Variants in GPNMB observed in about 807,000 individuals in gnomAD.
GPNMB encodes the protein glycoprotein nmb, also known as transmembrane glycoprotein NMB.
In GPNMB, 71 loss-of-function variants were observed where a neutral mutation model predicts 57.3. That is an observed-to-expected ratio of 1.24 (90% CI 1.02 to 1.51). The LOEUF is 1.51. Among genes scored for constraint, GPNMB ranks in the 40% most tolerant of loss-of-function variants. GPNMB has a pLI of 0.00. For synonymous variants in GPNMB, 253 were observed against 263.2 expected, an observed-to-expected ratio of 0.96 and a Z score of 0.38; for missense variants, 677 against 691.9, an observed-to-expected ratio of 0.98 and a Z score of 0.24.
intron 4 of GPNMB, among the ~76,000 whole-genome samples, chr7:23,258,667 A>T (rs534972274): frequency 1.5e-3 from 228 of 152,340 alleles, no homozygotes; most frequent in African/African-American, 5.3e-3. Context: ...CTCAGAGTTA[A>T]CTGATATTCT....
intron 1 of GPNMB, among the ~76,000 whole-genome samples, chr7:23,248,910 A>T (rs1782599123): frequency 6.6e-6 from 1 of 151,908 alleles, no homozygotes; most frequent in Admixed American, 6.6e-5. Flanking sequence ...CAGCCTCCTG[A>T]GTAGCTGGGA....
intron 6 of GPNMB, chr7:23,266,282 A>G: frequency 3.9e-6 from 2 of 516,620 alleles, no homozygotes; most frequent in East Asian, 6.6e-5. Flanking sequence ...TTGTGTTCAC[A>G]CAAAATGTGG....
chr7:23,247,318 G>T (rs1303677865), intron 1 of GPNMB: 1 of 229,572 alleles, frequency 4.4e-6, no homozygotes, highest in East Asian at 1.1e-4. Flanking sequence ...ATGAAATGGG[G>T]TCTCCAATCT....
At chr7:23,259,744 C>T (rs1364666400) in intron 4 of GPNMB, among the ~76,000 whole-genome samples, 1 of 152,114 alleles carries the variant, frequency 6.6e-6, no homozygotes, top group East Asian at 1.9e-4. Context: ...TGCCACTAAA[C>T]AGCTTTTTAA....
At chr7:23,252,969 A>C (rs1423871249) in intron 1 of GPNMB, among the ~76,000 whole-genome samples, 1 of 152,172 alleles carries the variant, frequency 6.6e-6, no homozygotes, top group Non-Finnish European at 1.5e-5. Context: ...AAAATGCAAA[A>C]ATCTGAAGAT....
intron 6 of GPNMB, among the ~76,000 whole-genome samples, chr7:23,265,532 C>T (rs1783036302): frequency 6.6e-6 from 1 of 152,054 alleles, no homozygotes; most frequent in African/African-American, 2.4e-5. Flanking sequence ...GTCTTGTATT[C>T]CCTCCTTTCC....
chr7:23,265,102 C>T (rs1387527521), intron 6 of GPNMB, among the ~76,000 whole-genome samples: 5 of 152,208 alleles, frequency 3.3e-5, no homozygotes, highest in Non-Finnish European at 5.9e-5. Flanking sequence ...GTGTCTGGGC[C>T]TTTCTGGCCT....
chr7:23,260,330 TG>T (rs1376072546), intron 5 of GPNMB, 125 bp from the exon 6 acceptor site: 1 of 1,045,952 alleles, frequency 9.6e-7, no homozygotes, highest in African/African-American at 1.6e-5. Context: ...AACTTGCATG[TG>T]AAAAGGAAAA....
chr7:23,254,963 G>A (rs1782742281), intron 3 of GPNMB, among the ~76,000 whole-genome samples: 1 of 152,238 alleles, frequency 6.6e-6, no homozygotes, highest in Non-Finnish European at 1.5e-5. Context: ...CTGAGGTCAG[G>A]AGTTCAAGAC....
intron 6 of GPNMB, among the ~76,000 whole-genome samples, chr7:23,264,907 G>C (rs1424173313): frequency 1.3e-5 from 2 of 152,196 alleles, no homozygotes; most frequent in Non-Finnish European, 2.9e-5. Context: ...TTCTGGAGAA[G>C]AGCTACTGAA....
At chr7:23,260,218 G>A (rs1197855213) in intron 5 of GPNMB, 80 bp downstream of exon 5, 2 of 1,456,052 alleles carry the variant, frequency 1.4e-6, no homozygotes, top group Admixed American at 1.7e-5. Flanking sequence ...GTAAGGCCAA[G>A]TGTTCGGGGT....
intron 6 of GPNMB, among the ~76,000 whole-genome samples, chr7:23,261,104 T>C (rs138960538): frequency 6.6e-6 from 1 of 152,304 alleles, no homozygotes; most frequent in Non-Finnish European, 1.5e-5. Context: ...TCCCATTTTT[T>C]ATGGCTATGA....
chr7:23,248,493 C>T (rs1380303461), intron 1 of GPNMB, among the ~76,000 whole-genome samples: 1 of 152,008 alleles, frequency 6.6e-6, no homozygotes, highest in African/African-American at 2.4e-5. Context: ...ATATTCTGCC[C>T]AGAAAAAAAT....
At chr7:23,264,391 G>T (rs1257751126) in intron 6 of GPNMB, among the ~76,000 whole-genome samples, 3 of 148,820 alleles carry the variant, frequency 2.0e-5, no homozygotes, top group African/African-American at 2.5e-5. Flanking sequence ...TTTTTTTTTT[G>T]AGATAGAGTC....
chr7:23,274,200 C>T lies in GPNMB; in HGVS notation c.1659C>T (p.Asn553=), dbSNP rs141478841. The T allele has an allele frequency of 6.2e-7, 1 of 1,613,168 alleles. No individual in the cohort carries two copies. Among genetic ancestry groups the T allele is most frequent in the African/African-American group, 1.3e-5 (1 of 74,978 alleles). ...AGGAAAAGGATCCGCTACTCAAAAA[C>T]CAAGAATTTAAAGGAGTTTCTTAAA... ...GNQEKDPLLK[N]QEFKGVS The change falls in exon 11 of 11, where the codon AAC becomes AAT. Residue 553 remains asparagine (N), a synonymous_variant. Coordinates refer to ENST00000258733, the MANE Select transcript of GPNMB (RefSeq NM_002510.3).
intron 6 of GPNMB, among the ~76,000 whole-genome samples, chr7:23,264,030 G>C (rs532487060): frequency 6.6e-6 from 1 of 150,532 alleles, no homozygotes; most frequent in East Asian, 1.9e-4. Context: ...CTATTTTTAA[G>C]TCACGGAATT....
rs764438464 is a variant in GPNMB, at chr7:23,266,626, AGAT to A, written c.1117+17_1117+19del. The A allele has an allele frequency of 3.7e-6, 6 of 1,612,754 alleles. No individual in the cohort carries two copies. Among genetic ancestry groups the A allele is most frequent in the Non-Finnish European group, 5.1e-6 (6 of 1,179,202 alleles). On this transcript the variant is annotated intron_variant, in intron 7 of 10. Transcript: ENST00000258733. ...CCATCACAATTGTAGGTAAGGCTGA[AGAT>A]GATGACCAGTGAGGAAGGATGCTAG... is the stretch of plus-strand genomic sequence containing the variant.
intron 3 of GPNMB, among the ~76,000 whole-genome samples, chr7:23,254,587 A>G (rs995321541): frequency 1.3e-5 from 2 of 152,178 alleles, no homozygotes; most frequent in African/African-American, 2.4e-5. Context: ...TGTCCAGTTG[A>G]CTGGACAGAG....
intron 4 of GPNMB, among the ~76,000 whole-genome samples, chr7:23,258,346 A>T (rs1782831050): frequency 6.6e-6 from 1 of 152,262 alleles, no homozygotes; most frequent in Non-Finnish European, 1.5e-5. Context: ...CATTGAACAG[A>T]GTATAAGCTA....
Sources: allele counts gnomAD v4.1 joint callset (sites outside exome capture counted in the v4.1 genomes callset), GRCh38; gene constraint gnomAD v4.1.1; transcripts MANE v1.5; gene names NCBI Gene and HGNC (gene_info 2026-07-23, HGNC 2026-07-21).